The following CNTNAP5 variants were observed in gnomAD, a reference collection of about 807,000 sequenced individuals.
The protein encoded by CNTNAP5 is contactin associated protein family member 5.
A neutral mutation model predicts 150.2 loss-of-function variants in CNTNAP5; 72 were observed. That is an observed-to-expected ratio of 0.48 (90% CI 0.40 to 0.58). The LOEUF is 0.58. Ranked by LOEUF, CNTNAP5 falls within the 20% of genes least tolerant of loss-of-function variation. The pLI is 0.00. For missense variants in CNTNAP5, 1,636 were observed against 1,626.2 expected, an observed-to-expected ratio of 1.01 and a Z score of -0.10; for synonymous variants, 672 against 619.8, an observed-to-expected ratio of 1.08 and a Z score of -1.25.
intron 1 of CNTNAP5, among the ~76,000 whole-genome samples, chr2:124,138,958 CCTAA>C (rs910797282): frequency 3.3e-5 from 5 of 152,028 alleles, no homozygotes; most frequent in South Asian, 4.1e-4. Flanking sequence ...ACACTCTTGG[CCTAA>C]CTATTATTAG....
At chr2:124,323,233 A>C (rs948910358) in intron 3 of CNTNAP5, among the ~76,000 whole-genome samples, 36 of 152,208 alleles carry the variant, frequency 2.4e-4, no homozygotes, top group African/African-American at 8.4e-4. Context: ...AGAAGTTCTC[A>C]TGCAACTCAG....
At chr2:124,229,064 G>A (rs947363311) in intron 2 of CNTNAP5, among the ~76,000 whole-genome samples, 6 of 152,124 alleles carry the variant, frequency 3.9e-5, no homozygotes. Flanking sequence ...TTACCCCTAC[G>A]TGTGCTCAGA....
At chr2:124,408,594 T>A (rs1431809346) in intron 3 of CNTNAP5, among the ~76,000 whole-genome samples, 1 of 151,832 alleles carries the variant, frequency 6.6e-6, no homozygotes, top group Non-Finnish European at 1.5e-5. Context: ...CCGAGCAGCC[T>A]AACTGGGAGG....
chr2:124,211,794 GA>G (rs1686020135), intron 1 of CNTNAP5, among the ~76,000 whole-genome samples: 1 of 152,188 alleles, frequency 6.6e-6, no homozygotes, highest in African/African-American at 2.4e-5. Flanking sequence ...TGAGAATACA[GA>G]GATGTTCGTT....
chr2:124,827,211 A>G (rs1682614971), intron 19 of CNTNAP5, among the ~76,000 whole-genome samples: 1 of 152,164 alleles, frequency 6.6e-6, no homozygotes, highest in African/African-American at 2.4e-5. Flanking sequence ...GATATGAGCC[A>G]CCGCACCTGG....
At chr2:124,158,615 T>C (rs922361054) in intron 1 of CNTNAP5, among the ~76,000 whole-genome samples, 1 of 152,232 alleles carries the variant, frequency 6.6e-6, no homozygotes, top group Non-Finnish European at 1.5e-5. Flanking sequence ...CTCTATTTAC[T>C]TTTTGTGCCA....
At chr2:124,557,917 T>C (rs1481677159) in intron 10 of CNTNAP5, among the ~76,000 whole-genome samples, 1 of 152,106 alleles carries the variant, frequency 6.6e-6, no homozygotes, top group Non-Finnish European at 1.5e-5. Context: ...AACAACAAAG[T>C]CAACATGGTT....
chr2:124,297,619 TA>T (rs1688467508), intron 3 of CNTNAP5, among the ~76,000 whole-genome samples: 2 of 152,060 alleles, frequency 1.3e-5, no homozygotes, highest in African/African-American at 4.8e-5. Context: ...ACACAGCTGA[TA>T]TACTCTTCTG....
chr2:124,619,025 G>C (rs1677548187), intron 12 of CNTNAP5, among the ~76,000 whole-genome samples: 1 of 152,100 alleles, frequency 6.6e-6, no homozygotes, highest in African/African-American at 2.4e-5. Context: ...AAACAACCTA[G>C]AAACAAGTAA....
At chr2:124,670,590 TTGTTGTTTG>T in intron 13 of CNTNAP5, among the ~76,000 whole-genome samples, 1 of 146,356 alleles carries the variant, frequency 6.8e-6, no homozygotes, top group African/African-American at 2.6e-5. Context: ...TTTCTTGTTG[TTGTTGTTTG>T]TACTTTTGAT....
intron 2 of CNTNAP5, among the ~76,000 whole-genome samples, chr2:124,224,015 GT>G: frequency 6.6e-6 from 1 of 152,052 alleles, no homozygotes; most frequent in Middle Eastern, 3.4e-3. Flanking sequence ...TACGGTATCA[GT>G]GGTTCTCATC....
chr2:124,294,322 G>T (rs1688369582), intron 3 of CNTNAP5, among the ~76,000 whole-genome samples: 1 of 152,042 alleles, frequency 6.6e-6, no homozygotes, highest in Non-Finnish European at 1.5e-5. Flanking sequence ...AATATTTTAA[G>T]TAATGAGAAG....
At chr2:124,747,926 C>A (rs111431784) in intron 14 of CNTNAP5, among the ~76,000 whole-genome samples, 1 of 151,118 alleles carries the variant, frequency 6.6e-6, no homozygotes, top group East Asian at 2.0e-4. Context: ...CATGAGCCAC[C>A]GCACTTGGCC....
At chr2:124,149,678 C>CT (rs1684356195) in intron 1 of CNTNAP5, among the ~76,000 whole-genome samples, 1 of 152,288 alleles carries the variant, frequency 6.6e-6, no homozygotes, top group Admixed American at 6.5e-5. Context: ...GAGTGAGCAG[C>CT]GCCAATCCGA....
intron 1 of CNTNAP5, among the ~76,000 whole-genome samples, chr2:124,041,775 T>G (rs1681378500): frequency 6.6e-6 from 1 of 152,318 alleles, no homozygotes; most frequent in East Asian, 1.9e-4. Context: ...GATAATTATG[T>G]AGCTCAAAAT....
At chr2:124,174,376 G>A (rs1053179465) in intron 1 of CNTNAP5, among the ~76,000 whole-genome samples, 2 of 152,128 alleles carry the variant, frequency 1.3e-5, no homozygotes, top group African/African-American at 4.8e-5. Flanking sequence ...TTTCTGGAGA[G>A]GATTCACTAT....
chr2:124,814,592 A>G (rs1455375869), intron 19 of CNTNAP5, among the ~76,000 whole-genome samples: 1 of 151,724 alleles, frequency 6.6e-6, no homozygotes, highest in Non-Finnish European at 1.5e-5. Context: ...TTTTCAAGCA[A>G]AAGATCCTTT....
chr2:124,550,377 C>T (rs1695600773), intron 10 of CNTNAP5, among the ~76,000 whole-genome samples: 1 of 152,132 alleles, frequency 6.6e-6, no homozygotes, highest in African/African-American at 2.4e-5. Flanking sequence ...AATGCGGAAC[C>T]TCTGTATCAG....
chr2:124,874,121 C>T (rs1362898428), intron 21 of CNTNAP5, among the ~76,000 whole-genome samples: 1 of 152,052 alleles, frequency 6.6e-6, no homozygotes, highest in Non-Finnish European at 1.5e-5. Context: ...ATTAAAACTT[C>T]ACTGTTGGTT....
Sources: gnomAD v4.1 joint callset for allele counts (sites outside exome capture counted in the v4.1 genomes callset) on GRCh38, gnomAD v4.1.1 for gene constraint, MANE v1.5 for transcripts, NCBI Gene and HGNC (gene_info 2026-07-23, HGNC 2026-07-21) for gene names.